Variants in DNAH17 observed in about 807,000 individuals in gnomAD.
DNAH17 encodes dynein axonemal heavy chain 17.
Under a neutral mutation model 485.6 loss-of-function variants are expected in DNAH17, and 376 were observed. That is an observed-to-expected ratio of 0.77 (90% CI 0.71 to 0.84). The LOEUF (loss-of-function observed/expected upper bound fraction) is 0.84, where lower values mean the gene tolerates loss of function less well. Among genes scored for constraint, DNAH17 ranks in the 40% least tolerant of loss-of-function variants. The pLI is 0.00. For synonymous variants in DNAH17, 3,031 were observed against 2,405.9 expected (o/e 1.26, Z -7.60); for missense variants, 6,370 against 5,839.3 (o/e 1.09, Z -2.96).
chr17:78,470,065 TAC>T (rs1185949790), intron 54 of DNAH17, among the ~76,000 whole-genome samples: 1 of 130,494 alleles, frequency 7.7e-6, no homozygotes, highest in African/African-American at 3.0e-5. Flanking sequence ...GAAAATGTCT[TAC>T]TCTTTTTTTT....
chr17:78,438,283 G>A (rs1463445984), intron 73 of DNAH17, among the ~76,000 whole-genome samples: 1 of 150,422 alleles, frequency 6.6e-6, no homozygotes, highest in Admixed American at 6.6e-5. Flanking sequence ...AGGCCCAGAG[G>A]CGCTCGAGGA....
intron 25 of DNAH17, among the ~76,000 whole-genome samples, chr17:78,516,062 G>C (rs372290965): frequency 6.6e-6 from 1 of 152,180 alleles, no homozygotes; most frequent in Non-Finnish European, 1.5e-5. Context: ...AGAAGATCTG[G>C]ACTTGAGAAA....
rs73999126 is a variant in DNAH17 at position 78,555,655 on chromosome 17, G to A, written c.2178+2453C>T. ...GCTTCGAACATGAAATAATGTGGCC[G>A]CGAGGGTTAATTTGTCAACAGGACT... is the stretch of plus-strand genomic sequence containing the variant. On this transcript the variant is annotated intron_variant, in intron 14 of 80. Transcript: ENST00000389840. Among the ~76,000 whole-genome samples, 151 of 151,810 alleles carry A rather than the reference G, an allele frequency of 9.9e-4. 1 individual carries two copies. Among genetic ancestry groups the A allele is most frequent in the African/African-American group, 3.5e-3 (145 of 41,334 alleles).
At position 78,491,564 on chromosome 17, in the gene DNAH17, A is replaced by G; in HGVS notation, c.6548T>C (p.Phe2183Ser). 6.2e-7 allele frequency: 1 copy of G among 1,613,878 alleles called. No homozygotes were observed. Among genetic ancestry groups the G allele is most frequent in the Non-Finnish European group, 8.5e-7 (1 of 1,179,884 alleles). The change falls in exon 43 of 81, where the codon TTC (phenylalanine) becomes TCC (serine). Residue 2183 changes from phenylalanine (F) to serine (S), a missense_variant. Coordinates refer to ENST00000389840, the MANE Select transcript of DNAH17 (RefSeq NM_173628.4). ...GGCCAGGTCTCGCATGATGGTGGAG[A>G]ACAGGCCTGGGGGAGGCGCGTGGTA... Reference protein sequence around the residue: ...PVTREWKDGLFSTIMRDLANI... With the variant: ...PVTREWKDGLSSTIMRDLANI...
intron 25 of DNAH17, among the ~76,000 whole-genome samples, chr17:78,516,403 G>C (rs191276651): frequency 5.9e-5 from 9 of 152,250 alleles, no homozygotes; most frequent in African/African-American, 2.2e-4. Context: ...AAAGAAACTT[G>C]AGGCCGGGTG....
chr17:78,432,741 A>T (rs2086719660), intron 75 of DNAH17, among the ~76,000 whole-genome samples: 1 of 152,040 alleles, frequency 6.6e-6, no homozygotes, highest in South Asian at 2.1e-4. Context: ...TTACAAGGAG[A>T]TGGAAAAAAG....
rs527839590 is a variant in DNAH17 at position 78,542,139 on chromosome 17, A to T, written c.2532+1718T>A. Among the ~76,000 whole-genome samples the T allele has an allele frequency of 7.7e-3, 967 of 125,076 alleles. 13 individuals carry two copies. The highest frequency in any genetic ancestry group is 0.027 in the African/African-American group (887 of 32,332). 82.1% of individuals were successfully genotyped at this position (125,076 alleles called of 152,430 possible). On this transcript the variant is annotated intron_variant, in intron 17 of 80. Transcript: ENST00000389840. ...ACCGCCCCCCCCAAAAACTGCCCTA[A>T]AATACTTTTTTTTTTTTTTTTTTCT...
chr17:78,477,889 T>TCATCACCACCATCATCATTACCACATCAC (rs1300959218), intron 51 of DNAH17, among the ~76,000 whole-genome samples: 2 of 151,038 alleles, frequency 1.3e-5, no homozygotes, highest in Non-Finnish European at 3.0e-5. Context: ...ACCATCGCTA[T>TCATCACCACCATCATCATTACCACATCAC]CATCACCACC....
At chr17:78,456,985 A>G (rs2087832324) in intron 62 of DNAH17, among the ~76,000 whole-genome samples, 1 of 152,026 alleles carries the variant, frequency 6.6e-6, no homozygotes, top group South Asian at 2.1e-4. Context: ...GGAAAGGCAC[A>G]CTCCCCTGTT....
intron 52 of DNAH17, 109 bp downstream of exon 52, chr17:78,476,463 C>A: frequency 7.7e-7 from 1 of 1,303,374 alleles, no homozygotes. Context: ...ATCTTCCCAC[C>A]CCCAACAAAG....
chr17:78,458,777 G>T, intron 61 of DNAH17, 97 bp from the exon 62 acceptor site: 3 of 1,216,846 alleles, frequency 2.5e-6, no homozygotes, highest in Non-Finnish European at 1.2e-6. Context: ...CGCTGAGCGT[G>T]GAAGAGGCTC....
At chr17:78,474,074 G>T (rs1416116832) in intron 54 of DNAH17, among the ~76,000 whole-genome samples, 1 of 152,232 alleles carries the variant, frequency 6.6e-6, no homozygotes, top group African/African-American at 2.4e-5. Context: ...CTCTCCCAGA[G>T]GTTGGCCGTC....
intron 64 of DNAH17, 131 bp from the exon 65 acceptor site, chr17:78,453,596 C>T: frequency 1.6e-6 from 2 of 1,221,152 alleles, no homozygotes; most frequent in Non-Finnish European, 2.2e-6. Context: ...GAGCCCACAA[C>T]TTGTTCCCAA....
intron 30 of DNAH17, among the ~76,000 whole-genome samples, chr17:78,506,156 T>A (rs1035723431): frequency 6.7e-6 from 1 of 149,220 alleles, no homozygotes; most frequent in African/African-American, 2.5e-5. Flanking sequence ...TTTTTTTTTT[T>A]TTGAGACAGA....
chr17:78,451,063 AG>A (rs745361568), intron 66 of DNAH17, among the ~76,000 whole-genome samples: 3 of 152,192 alleles, frequency 2.0e-5, no homozygotes, highest in Admixed American at 6.5e-5. Flanking sequence ...CGGAGACTGT[AG>A]GGGGCAGAAC....
chr17:78,533,444 C>T (rs527900388), intron 19 of DNAH17, among the ~76,000 whole-genome samples: 1 of 152,116 alleles, frequency 6.6e-6, no homozygotes, highest in South Asian at 2.1e-4. Flanking sequence ...GTGCAAAGGC[C>T]CCGTGGTGGG....
chr17:78,570,875 A>AAG, intron 6 of DNAH17, 73 bp downstream of exon 6: 10 of 804,022 alleles, frequency 1.2e-5, no homozygotes, highest in Non-Finnish European at 1.1e-5. Context: ...AAAAAAAAAA[A>AAG]AAAGAAAAAA....
intron 75 of DNAH17, among the ~76,000 whole-genome samples, chr17:78,431,397 C>T (rs182513730): frequency 1.3e-5 from 2 of 149,022 alleles, no homozygotes; most frequent in East Asian, 1.9e-4. Flanking sequence ...GGTTGCTTCC[C>T]GCAGGGGGTG....
In DNAH17 at chr17:78,502,869, C is replaced by G; in HGVS notation, c.5082+17G>C. 6.2e-7 allele frequency: 1 copy of G among 1,610,128 alleles called. No homozygotes were observed. The highest frequency in any genetic ancestry group is 2.2e-5 in the East Asian group (1 of 44,832). On this transcript the variant is annotated intron_variant, in intron 32 of 80. Transcript: ENST00000389840. ...TCTCAGCCACGAGGCGCCGCCGAGCCCCCACCCGCCTCAGACCTGGGCTGG... is the reference window on the plus strand; with the variant it reads ...TCTCAGCCACGAGGCGCCGCCGAGCGCCCACCCGCCTCAGACCTGGGCTGG...
Sources: gnomAD v4.1 joint callset for allele counts (sites outside exome capture counted in the v4.1 genomes callset) on GRCh38, gnomAD v4.1.1 for gene constraint, MANE v1.5 for transcripts, NCBI Gene and HGNC (gene_info 2026-07-23, HGNC 2026-07-21) for gene names.